Variants in GOLM2 observed in about 807,000 individuals in gnomAD.
GOLM2 encodes the protein golgi membrane protein 2.
In GOLM2, 26 loss-of-function variants were observed where a neutral mutation model predicts 55.9. That is an observed-to-expected ratio of 0.47 (90% CI 0.34 to 0.65). GOLM2 has a LOEUF of 0.65. Ranked by LOEUF, GOLM2 falls within the 30% of genes least tolerant of loss-of-function variation. The probability of loss-of-function intolerance (pLI) is 0.01; values close to 1 mark genes in which losing one functional copy is unlikely to be tolerated. For synonymous variants in GOLM2, 165 were observed against 194.6 expected (o/e 0.85, Z 1.27); for missense variants, 486 against 531.8 (o/e 0.91, Z 0.85).
chr15:44,298,774 T>C (rs761771894), intron 1 of GOLM2, among the ~76,000 whole-genome samples: 8 of 152,152 alleles, frequency 5.3e-5, no homozygotes, highest in Non-Finnish European at 8.8e-5. Flanking sequence ...ATGTACGAGG[T>C]TGATTTGTAT....
At chr15:44,316,765 A>C (rs1452920310) in intron 1 of GOLM2, among the ~76,000 whole-genome samples, 5 of 151,906 alleles carry the variant, frequency 3.3e-5, no homozygotes, top group Non-Finnish European at 5.9e-5. Context: ...AAAAAAAAAA[A>C]AAACAAAAAA....
At chr15:44,295,549 A>G (rs114705296) in intron 1 of GOLM2, among the ~76,000 whole-genome samples, 2,439 of 152,330 alleles carry the variant, frequency 0.016, 57 homozygotes, top group East Asian at 0.092. Flanking sequence ...CTGCCATAAC[A>G]AAATGCCACA....
At chr15:44,319,868 C>T (rs1332076660) in intron 1 of GOLM2, among the ~76,000 whole-genome samples, 7 of 152,156 alleles carry the variant, frequency 4.6e-5, no homozygotes, top group East Asian at 1.9e-4. Context: ...GGATTACAGG[C>T]GTGAGCCACT....
At chr15:44,331,155 C>T (rs112439195) in intron 3 of GOLM2, among the ~76,000 whole-genome samples, 2,439 of 152,172 alleles carry the variant, frequency 0.016, 59 homozygotes, top group East Asian at 0.093. Flanking sequence ...GCTGGGACCA[C>T]AGGCACGTAC....
intron 8 of GOLM2, among the ~76,000 whole-genome samples, chr15:44,384,069 A>G (rs1284332820): frequency 6.6e-6 from 1 of 152,110 alleles, no homozygotes; most frequent in Non-Finnish European, 1.5e-5. Context: ...ATGCTTTATC[A>G]TGCAAAAGTT....
intron 8 of GOLM2, among the ~76,000 whole-genome samples, chr15:44,392,430 C>A (rs2141204441): frequency 6.6e-6 from 1 of 152,024 alleles, no homozygotes; most frequent in South Asian, 2.1e-4. Flanking sequence ...TGAGACCAGC[C>A]TGGTCAACAT....
intron 6 of GOLM2, among the ~76,000 whole-genome samples, chr15:44,369,078 TA>T (rs2079308346): frequency 1.6e-5 from 1 of 60,798 alleles, no homozygotes; most frequent in African/African-American, 6.7e-5. Flanking sequence ...TATATATATA[TA>T]TATATATATA....
chr15:44,347,239 A>G (rs560769382), intron 6 of GOLM2, among the ~76,000 whole-genome samples: 1 of 152,326 alleles, frequency 6.6e-6, no homozygotes, highest in Admixed American at 6.5e-5. Flanking sequence ...CTACACAGAA[A>G]AGTACCTTCA....
rs1293904507 is a variant in GOLM2, at chr15:44,289,076, T to C, written c.47T>C (p.Leu16Pro). 2 of 1,613,930 alleles carry C rather than the reference T, an allele frequency of 1.2e-6. No homozygotes were observed. Among genetic ancestry groups the C allele is most frequent in the South Asian group, 2.2e-5 (2 of 91,078 alleles). Reference sequence around the variant, plus strand: ...CGGCGGGCTGGCCGCCTGCCCTCTCTCGTGCTGGTGGTGCTGCTGGTGGTG... The same window carrying C: ...CGGCGGGCTGGCCGCCTGCCCTCTCCCGTGCTGGTGGTGCTGCTGGTGGTG... ...ANRRAGRLPS[L>P]VLVVLLVVIV... The change falls in exon 1 of 10, where the codon CTC becomes CCC. Residue 16 changes from leucine to proline, a missense_variant. Coordinates refer to ENST00000299957, the MANE Select transcript of GOLM2 (RefSeq NM_138423.4). The surrounding 1 kb of genome is among the most constrained non-coding windows in gnomAD (Gnocchi z 4.8).
intron 1 of GOLM2, among the ~76,000 whole-genome samples, chr15:44,290,793 C>CGTT (rs754237769): frequency 9.1e-4 from 139 of 151,966 alleles, no homozygotes; most frequent in African/African-American, 2.2e-3. Flanking sequence ...TTGTTGTTGT[C>CGTT]GTTGTTGTTG....
intron 8 of GOLM2, among the ~76,000 whole-genome samples, chr15:44,381,711 A>G (rs572041829): frequency 3.3e-5 from 5 of 152,364 alleles, no homozygotes; most frequent in South Asian, 4.1e-4. Flanking sequence ...GCAACTGTGC[A>G]GAGCACTGGT....
intron 8 of GOLM2, among the ~76,000 whole-genome samples, chr15:44,394,947 G>A (rs1334298620): frequency 6.6e-6 from 1 of 152,008 alleles, no homozygotes; most frequent in Non-Finnish European, 1.5e-5. Flanking sequence ...ATTGTAACTA[G>A]CTCTAATAGT....
intron 6 of GOLM2, among the ~76,000 whole-genome samples, chr15:44,361,243 C>CA (rs1383465517): frequency 6.6e-6 from 1 of 151,992 alleles, no homozygotes; most frequent in African/African-American, 2.4e-5. Context: ...AAAAACCCTT[C>CA]AAAAAATTAA....
chr15:44,341,079 CTTTTT>C (rs533432768), intron 6 of GOLM2, among the ~76,000 whole-genome samples: 1 of 132,230 alleles, frequency 7.6e-6, no homozygotes, highest in Non-Finnish European at 1.6e-5. Context: ...ATACTTTTCT[CTTTTT>C]TTTTTTTTTT....
At chr15:44,301,435 A>G (rs990731372) in intron 1 of GOLM2, among the ~76,000 whole-genome samples, 6 of 152,158 alleles carry the variant, frequency 3.9e-5, no homozygotes, top group African/African-American at 1.4e-4. Flanking sequence ...TCTTTATTGA[A>G]CAAATATGTT....
At chr15:44,308,304 G>T (rs1304382171) in intron 1 of GOLM2, 2 of 152,016 alleles carry the variant, frequency 1.3e-5, no homozygotes, top group Non-Finnish European at 2.9e-5. Context: ...TCATATAGGA[G>T]GATTATACAA....
At chr15:44,308,126 A>T (rs972979868) in intron 1 of GOLM2, 9 of 152,218 alleles carry the variant, frequency 5.9e-5, no homozygotes, top group Admixed American at 2.6e-4. Context: ...GTACATTCAC[A>T]ATGTTGTGTA....
intron 8 of GOLM2, among the ~76,000 whole-genome samples, chr15:44,384,871 T>C (rs2079431158): frequency 6.6e-6 from 1 of 150,920 alleles, no homozygotes; most frequent in Non-Finnish European, 1.5e-5. Context: ...GTCACGCCAC[T>C]GCACTCCAGC....
In GOLM2 at chr15:44,339,616, G is replaced by A. The variant is rs1330481952; in HGVS notation, c.802+1299G>A. Among the ~76,000 whole-genome samples, 3 of 151,768 alleles carry A rather than the reference G, an allele frequency of 2.0e-5. No homozygotes were observed. The East Asian group carries it at 5.8e-4, about 29-fold the overall frequency. On this transcript the variant is annotated intron_variant, in intron 6 of 9. Coordinates refer to ENST00000299957, the MANE Select transcript of GOLM2 (RefSeq NM_138423.4). The stretch of plus-strand genomic sequence containing the variant: ...GCTTCCCAAAGTGCTGGGATTACAA[G>A]CATGAGCCACCAAGCCCGGCCTCTT...
Sources: gnomAD v4.1 joint callset for allele counts (sites outside exome capture counted in the v4.1 genomes callset) on GRCh38, gnomAD v4.1.1 for gene constraint, Gnocchi (gnomAD v3.1) non-coding constraint, MANE v1.5 for transcripts, NCBI Gene and HGNC (gene_info 2026-07-23, HGNC 2026-07-21) for gene names.